The following STK32B variants were observed in gnomAD, a reference collection of about 807,000 sequenced individuals.
STK32B encodes the protein serine/threonine-protein kinase 32B.
Under a neutral mutation model 52.6 loss-of-function variants are expected in STK32B, and 43 were observed. The observed-to-expected ratio is 0.82, with a 90% CI of 0.64 to 1.05. The LOEUF (loss-of-function observed/expected upper bound fraction) is 1.05. Ranked by LOEUF, STK32B falls within the 50% of genes least tolerant of loss-of-function variation. The pLI is 0.00. For missense variants in STK32B, 621 were observed against 534.6 expected (o/e 1.16, Z -1.59); for synonymous variants, 238 against 204.3 (o/e 1.17, Z -1.41).
At chr4:5,057,275 T>C (rs1212192156) in intron 1 of STK32B, among the ~76,000 whole-genome samples, 2 of 152,224 alleles carry the variant, frequency 1.3e-5, no homozygotes, top group East Asian at 1.9e-4. Context: ...CCTACTCCTG[T>C]CCTTCAGTTT....
chr4:5,310,171 T>G (rs376645919), intron 3 of STK32B, among the ~76,000 whole-genome samples: 1 of 151,372 alleles, frequency 6.6e-6, no homozygotes. Context: ...ATCTCAAAAA[T>G]CAAAAAAGAG....
At chr4:5,070,184 T>G (rs1711673143) in intron 1 of STK32B, among the ~76,000 whole-genome samples, 1 of 152,186 alleles carries the variant, frequency 6.6e-6, no homozygotes, top group Non-Finnish European at 1.5e-5. Flanking sequence ...CCCTCAAAGC[T>G]TCTTTGGCTG....
intron 1 of STK32B, among the ~76,000 whole-genome samples, chr4:5,131,904 T>C (rs1715800840): frequency 6.6e-6 from 1 of 152,234 alleles, no homozygotes; most frequent in Admixed American, 6.5e-5. Context: ...GGAATCTGTA[T>C]ACATTACATG....
chr4:5,026,646 C>A, the STK32B span, among the ~76,000 whole-genome samples: 1 of 152,186 alleles, frequency 6.6e-6, no homozygotes, highest in Non-Finnish European at 1.5e-5. Context: ...GGACAGAGAG[C>A]CAAACCATAT....
At chr4:5,315,488 A>G (rs7662482) in intron 3 of STK32B, among the ~76,000 whole-genome samples, 14,202 of 151,816 alleles carry the variant, frequency 0.094, 1,577 homozygotes, top group African/African-American at 0.27. Context: ...TAAACTCAAT[A>G]TTATCTAAAA....
chr4:5,140,137 T>C, intron 2 of STK32B, 177 bp downstream of exon 2: 1 of 1,417,354 alleles, frequency 7.1e-7, no homozygotes, highest in Non-Finnish European at 9.7e-7. Flanking sequence ...AATTTTCTTC[T>C]GGAAATTAAA....
At chr4:5,303,289 A>C (rs1438573207) in intron 3 of STK32B, among the ~76,000 whole-genome samples, 1 of 152,092 alleles carries the variant, frequency 6.6e-6, no homozygotes, top group Non-Finnish European at 1.5e-5. Flanking sequence ...AGTAGTTTTC[A>C]TTCCCACCAA....
chr4:5,457,340 T>C (rs373611078), intron 8 of STK32B, among the ~76,000 whole-genome samples: 18 of 150,980 alleles, frequency 1.2e-4, no homozygotes, highest in Middle Eastern at 3.4e-3. Context: ...CTCAGCCTCC[T>C]GAGTAGCTGG....
At chr4:5,077,508 A>G (rs564560931) in intron 1 of STK32B, among the ~76,000 whole-genome samples, 1 of 152,248 alleles carries the variant, frequency 6.6e-6, no homozygotes, top group South Asian at 2.1e-4. Context: ...AGCAATCAGA[A>G]TGGGTGCTTG....
intron 3 of STK32B, among the ~76,000 whole-genome samples, chr4:5,234,422 G>A (rs1724487563): frequency 6.6e-6 from 1 of 152,178 alleles, no homozygotes; most frequent in East Asian, 1.9e-4. Flanking sequence ...GCCTAGACAA[G>A]GTTAAGTAAC....
At chr4:5,194,917 G>C (rs571154699) in intron 3 of STK32B, among the ~76,000 whole-genome samples, 3 of 152,316 alleles carry the variant, frequency 2.0e-5, no homozygotes, top group South Asian at 4.1e-4. Context: ...ACAGCATCTA[G>C]GGGTGGTGCT....
chr4:5,138,485 C>A (rs547206404), intron 1 of STK32B, among the ~76,000 whole-genome samples: 1 of 151,904 alleles, frequency 6.6e-6, no homozygotes, highest in East Asian at 1.9e-4. Context: ...TATTATGTAC[C>A]AGGAGTTGTG....
At chr4:5,100,630 T>TTCTTTC (rs1713697370) in intron 1 of STK32B, among the ~76,000 whole-genome samples, 1 of 105,274 alleles carries the variant, frequency 9.5e-6, no homozygotes, top group Non-Finnish European at 1.8e-5. Context: ...TTTTCTTTCT[T>TTCTTTC]TCTCTTTCTT....
chr4:5,348,658 ACTC>A (rs1553876367), intron 4 of STK32B, among the ~76,000 whole-genome samples: 3 of 152,062 alleles, frequency 2.0e-5, no homozygotes, highest in Non-Finnish European at 4.4e-5. Flanking sequence ...TCCCCACACT[ACTC>A]AGTAACAGAG....
At chr4:5,369,884 G>T (rs1348224270) in intron 4 of STK32B, among the ~76,000 whole-genome samples, 8 of 150,326 alleles carry the variant, frequency 5.3e-5, no homozygotes, top group African/African-American at 7.4e-5. Flanking sequence ...TTGTTTGTTT[G>T]TTTTTTTTTG....
At chr4:5,457,222 T>G (rs1560430755) in intron 8 of STK32B, among the ~76,000 whole-genome samples, 1 of 148,718 alleles carries the variant, frequency 6.7e-6, no homozygotes, top group African/African-American at 2.5e-5. Context: ...CTTTTTTTTT[T>G]TTTTTTTTTA....
At chr4:5,312,555 C>G (rs1051670961) in intron 3 of STK32B, among the ~76,000 whole-genome samples, 3 of 150,692 alleles carry the variant, frequency 2.0e-5, no homozygotes, top group African/African-American at 7.3e-5. Context: ...TTTGTTCTTC[C>G]GATAGTTTAC....
chr4:5,429,274 C>G (rs953081556), intron 6 of STK32B, among the ~76,000 whole-genome samples: 2 of 152,028 alleles, frequency 1.3e-5, no homozygotes, highest in Admixed American at 1.3e-4. Context: ...GATATTTAGA[C>G]CACTTATATT....
At chr4:5,132,336 C>T (rs1221321936) in intron 1 of STK32B, among the ~76,000 whole-genome samples, 2 of 152,060 alleles carry the variant, frequency 1.3e-5, no homozygotes, top group African/African-American at 4.8e-5. Flanking sequence ...AGGGGAACAA[C>T]AAACACTGGG....
Sources: gnomAD v4.1 joint callset for allele counts (sites outside exome capture counted in the v4.1 genomes callset) on GRCh38, gnomAD v4.1.1 for gene constraint, MANE v1.5 for transcripts, NCBI Gene and HGNC (gene_info 2026-07-23, HGNC 2026-07-21) for gene names.